PGAP1: variants seen among roughly 807,000 people sequenced by gnomAD.
PGAP1 encodes post-GPI attachment to proteins inositol deacylase 1.
Under a neutral mutation model 127.0 loss-of-function variants are expected in PGAP1, and 76 were observed. The observed-to-expected ratio is 0.60, with a 90% CI of 0.50 to 0.72. The LOEUF is 0.72. Ranked by LOEUF, PGAP1 falls within the 30% of genes least tolerant of loss-of-function variation. PGAP1 has a pLI of 0.00. For synonymous variants in PGAP1, 362 were observed against 366.5 expected, an observed-to-expected ratio of 0.99 and a Z score of 0.14; for missense variants, 982 against 1,071.3, an observed-to-expected ratio of 0.92 and a Z score of 1.16.
intron 20 of PGAP1, among the ~76,000 whole-genome samples, chr2:196,861,204 A>G (rs1437985985): frequency 6.6e-6 from 1 of 152,232 alleles, no homozygotes; most frequent in Non-Finnish European, 1.5e-5. Context: ...ACTTAAATTT[A>G]AAACCCGAAA....
intron 12 of PGAP1, 80 bp from the exon 13 acceptor site, chr2:196,880,233 CT>C: frequency 1.2e-6 from 1 of 863,900 alleles, no homozygotes; most frequent in Non-Finnish European, 1.7e-6. Context: ...ACACTTATTT[CT>C]TACTTAATTC....
chr2:196,920,164 A>T lies in PGAP1; in HGVS notation c.148-14T>A, dbSNP rs761227055. 5.0e-6 allele frequency: 8 copies of T among 1,592,228 alleles called. No individual in the cohort carries two copies. Among genetic ancestry groups the T allele is most frequent in the Non-Finnish European group, 5.1e-6 (6 of 1,171,068 alleles). ...AAGTTCTATTTTCTACATTTAAAAA[A>T]AAGTAGTTTCACTTTAATCAGTTTT... is the stretch of plus-strand genomic sequence containing the variant. On this transcript the variant is annotated splice_polypyrimidine_tract_variant and intron_variant, in intron 1 of 26. Coordinates refer to ENST00000354764, the MANE Select transcript of PGAP1 (RefSeq NM_024989.4).
chr2:196,878,198 T>C (rs1701623700), intron 13 of PGAP1, among the ~76,000 whole-genome samples: 1 of 152,180 alleles, frequency 6.6e-6, no homozygotes, highest in Non-Finnish European at 1.5e-5. Context: ...ACTAGAAGTG[T>C]TTGATTTTTT....
chr2:196,881,801 C>A (rs148545061), intron 12 of PGAP1, among the ~76,000 whole-genome samples: 1,545 of 152,290 alleles, frequency 0.01, 23 homozygotes, highest in African/African-American at 0.035. Flanking sequence ...AAATTTTTCT[C>A]CCATTCTGTA....
chr2:196,860,125 C>CA lies in PGAP1; in HGVS notation c.1861+4861dup, dbSNP rs1255204928. On this transcript the variant is annotated intron_variant, in intron 20 of 26. Transcript: ENST00000354764. ...TTTAAAAAATACCTGAAAACTCCAC[C>CA]AAAAAAAACTGTTAGAATTGTTTTT... Among the ~76,000 whole-genome samples, 30 of 149,876 alleles carry CA rather than the reference C, an allele frequency of 2.0e-4. No homozygotes were observed. The South Asian group carries it at 4.4e-3, about 22-fold the overall frequency.
Position 196,926,626 on chromosome 2 carries a change from ACCACCG to A in PGAP1, c.-16_-11del, listed in dbSNP as rs1228952268. 6.2e-7 allele frequency: 1 copy of A among 1,612,868 alleles called. No individual in the cohort carries two copies. The highest frequency in any genetic ancestry group is 8.5e-7 in the Non-Finnish European group (1 of 1,179,718). ...CTGAGTGAAGAAACATGGTGCCGCC[ACCACCG>A]CCGCCGCCGCCGCCGCCCCCTCTAC... On this transcript the variant is annotated 5_prime_UTR_variant, in exon 1 of 27. Coordinates refer to ENST00000354764, the MANE Select transcript of PGAP1 (RefSeq NM_024989.4).
chr2:196,833,712 T>C lies in PGAP1; in HGVS notation c.*7522A>G, dbSNP rs1389744212. 1 of 152,088 alleles carries C rather than the reference T, an allele frequency of 6.6e-6. No homozygotes were observed. Among genetic ancestry groups the C allele is most frequent in the Non-Finnish European group, 1.5e-5 (1 of 67,940 alleles). 9.4% of individuals were successfully genotyped at this position (152,088 alleles called of 1,614,324 possible). ...TAAAATGGGAAAACAATGTGTTGAG[T>C]TTACTTTCAAAATTGAAATTGAAAA... On this transcript the variant is annotated 3_prime_UTR_variant, in exon 27 of 27. Transcript: ENST00000354764.
At chr2:196,916,623 A>G (rs1703019036) in intron 2 of PGAP1, 30 bp from the exon 3 acceptor site, 2 of 1,555,916 alleles carry the variant, frequency 1.3e-6, no homozygotes, top group African/African-American at 2.8e-5. Flanking sequence ...AGTGCACATT[A>G]AACAATATTT....
chr2:196,902,299 A>C (rs1321449548), intron 5 of PGAP1, among the ~76,000 whole-genome samples: 1 of 152,134 alleles, frequency 6.6e-6, no homozygotes. Context: ...TGGCCTCACA[A>C]AGCACTAGAA....
Position 196,924,602 on chromosome 2 carries a change from C to CA in PGAP1, c.147+1867dup, listed in dbSNP as rs1346070297. On this transcript the variant is annotated intron_variant, in intron 1 of 26. Coordinates refer to ENST00000354764, the MANE Select transcript of PGAP1 (RefSeq NM_024989.4). ...TACATCATAAAAACCTGCTAAAAAT[C>CA]AAAAACTTCTGCCACTGTGATTATT... 3.3e-5 allele frequency among the ~76,000 whole-genome samples: 5 copies of CA among 152,198 alleles called. No individual in the cohort carries two copies. In the South Asian group the frequency reaches 1.0e-3, roughly 32 times the overall value.
At chr2:196,866,138 A>C (rs1701233376) in intron 19 of PGAP1, among the ~76,000 whole-genome samples, 1 of 152,204 alleles carries the variant, frequency 6.6e-6, no homozygotes, top group Non-Finnish European at 1.5e-5. Context: ...TTTCATATGG[A>C]ACCAAAAAAG....
intron 2 of PGAP1, 122 bp downstream of exon 2, chr2:196,919,875 G>T: frequency 1.0e-6 from 1 of 984,854 alleles, no homozygotes; most frequent in Non-Finnish European, 1.5e-6. Context: ...TGTAAGCCCA[G>T]CACAGCACTT....
intron 1 of PGAP1, among the ~76,000 whole-genome samples, chr2:196,923,504 T>A (rs1325955074): frequency 6.6e-5 from 10 of 152,314 alleles, no homozygotes; most frequent in African/African-American, 2.4e-4. Flanking sequence ...ATTGTATTTA[T>A]CAAGACATAA....
chr2:196,878,955 T>C (rs1390348161), intron 13 of PGAP1, among the ~76,000 whole-genome samples: 5 of 152,232 alleles, frequency 3.3e-5, no homozygotes, highest in African/African-American at 1.2e-4. Context: ...TTATATTAAC[T>C]TAAATTGAAA....
chr2:196,849,882 A>C (rs1559331967), intron 20 of PGAP1, among the ~76,000 whole-genome samples: 1 of 152,146 alleles, frequency 6.6e-6, no homozygotes, highest in Non-Finnish European at 1.5e-5. Flanking sequence ...ACTCCAGGGA[A>C]GGTTTTGTCC....
At chr2:196,863,100 T>C (rs930953960) in intron 20 of PGAP1, among the ~76,000 whole-genome samples, 4 of 152,148 alleles carry the variant, frequency 2.6e-5, no homozygotes, top group African/African-American at 7.2e-5. Context: ...AAAAGGGGAA[T>C]GCTAGCACAC....
At chr2:196,923,862 C>G (rs1365288870) in intron 1 of PGAP1, among the ~76,000 whole-genome samples, 2 of 152,168 alleles carry the variant, frequency 1.3e-5, no homozygotes, top group African/African-American at 4.8e-5. Context: ...CGAAGATAGC[C>G]AGACAAATCA....
rs1702128843 is a variant in PGAP1, at chr2:196,892,368, T to C, written c.1067A>G (p.Lys356Arg). 3 of 1,494,710 alleles carry C rather than the reference T, an allele frequency of 2.0e-6. No individual in the cohort carries two copies. The highest frequency in any genetic ancestry group is 2.5e-5 in the South Asian group (2 of 81,342). The allele number at this position is 1,494,710 out of a possible 1,614,324, so 92.6% of individuals were successfully genotyped here. A position where few individuals can be genotyped will look rare whatever the true frequency, so the allele number is the denominator to read the frequency against. ...TACGTTGTAAGCTACATAGGTCCAT[T>C]TGGACACTTTTACTAGAACCCACAT... Reference protein sequence around the residue: ...TSMWVLVKVSKWTYVAYNESE... With the variant: ...TSMWVLVKVSRWTYVAYNESE... Residue 356 changes from lysine to arginine, a missense_variant, in exon 9 of 27, where the codon AAA (lysine) becomes AGA (arginine). Coordinates refer to ENST00000354764, the MANE Select transcript of PGAP1 (RefSeq NM_024989.4).
chr2:196,901,647 A>G (rs935246899), intron 5 of PGAP1, among the ~76,000 whole-genome samples: 1 of 152,192 alleles, frequency 6.6e-6, no homozygotes, highest in African/African-American at 2.4e-5. Flanking sequence ...AGGAAACTTG[A>G]CTCACTTTAC....
Sources: gnomAD v4.1 joint callset for allele counts (sites outside exome capture counted in the v4.1 genomes callset) on GRCh38, gnomAD v4.1.1 for gene constraint, MANE v1.5 for transcripts, NCBI Gene and HGNC (gene_info 2026-07-23, HGNC 2026-07-21) for gene names.